Variants in PHKB observed in about 807,000 individuals in gnomAD.
The protein encoded by PHKB is phosphorylase kinase regulatory subunit beta, also known as phosphorylase b kinase regulatory subunit beta.
Under a neutral mutation model 152.1 loss-of-function variants are expected in PHKB, and 122 were observed. The ratio of observed to expected loss-of-function variants is 0.80; its 90% CI spans 0.69 to 0.93. The LOEUF (loss-of-function observed/expected upper bound fraction) is 0.93. Among genes scored for constraint, PHKB ranks in the 40% least tolerant of loss-of-function variants. The probability of loss-of-function intolerance (pLI) is 0.00; values close to 1 mark genes in which losing one functional copy is unlikely to be tolerated. For synonymous variants in PHKB, 436 were observed against 464.9 expected (o/e 0.94, Z 0.80); for missense variants, 1,304 against 1,328.4 (o/e 0.98, Z 0.29).
At chr16:47,477,118 C>T (rs1422929694) in intron 1 of PHKB, among the ~76,000 whole-genome samples, 1 of 152,182 alleles carries the variant, frequency 6.6e-6, no homozygotes, top group Non-Finnish European at 1.5e-5. Context: ...CTAGTGATCT[C>T]TTGTTTTTAC....
intron 26 of PHKB, among the ~76,000 whole-genome samples, chr16:47,685,903 G>A (rs1381110966): frequency 6.6e-6 from 1 of 151,856 alleles, no homozygotes; most frequent in South Asian, 2.1e-4. Flanking sequence ...CACCACACCT[G>A]GCTGATTTTT....
intron 14 of PHKB, among the ~76,000 whole-genome samples, chr16:47,626,162 A>C (rs1972706608): frequency 6.6e-6 from 1 of 152,230 alleles, no homozygotes; most frequent in Non-Finnish European, 1.5e-5. Context: ...GAAAACCCTT[A>C]GGTTTACTTG....
At chr16:47,547,094 G>A (rs549932757) in intron 6 of PHKB, among the ~76,000 whole-genome samples, 5 of 152,234 alleles carry the variant, frequency 3.3e-5, no homozygotes, top group East Asian at 3.9e-4. Context: ...GCTTCAGCTC[G>A]CCTTCCGTGG....
rs757340361 is a variant in PHKB, at chr16:47,588,864, C to G, written c.871-41C>G. On this transcript the variant is annotated intron_variant, in intron 9 of 30. Transcript: ENST00000323584. ...TCTCCTTGGGCTGTGTTGATCACAT[C>G]GCTGTGGACACTCACAGTCTCTCTT... The G allele has an allele frequency of 3.3e-6, 5 of 1,523,628 alleles. No individual in the cohort carries two copies. In the East Asian group the frequency reaches 9.0e-5, roughly 27 times the overall value. 94.4% of individuals were successfully genotyped at this position (1,523,628 alleles called of 1,614,324 possible).
intron 1 of PHKB, among the ~76,000 whole-genome samples, chr16:47,488,805 T>A (rs1970095167): frequency 6.6e-6 from 1 of 152,210 alleles, no homozygotes; most frequent in Admixed American, 6.5e-5. Flanking sequence ...TTGGTCTATG[T>A]GTCTGTTTTT....
chr16:47,640,791 C>A (rs568319954), intron 14 of PHKB, among the ~76,000 whole-genome samples: 147 of 152,158 alleles, frequency 9.7e-4, no homozygotes, highest in Non-Finnish European at 1.9e-3. Flanking sequence ...ACAGGCTAGC[C>A]CCTGTGGTAG....
At chr16:47,471,789 ATAAT>A (rs1420278981) in intron 1 of PHKB, among the ~76,000 whole-genome samples, 1 of 152,240 alleles carries the variant, frequency 6.6e-6, no homozygotes, top group Non-Finnish European at 1.5e-5. Context: ...GTTCTAATGC[ATAAT>A]TAATTAAGGT....
chr16:47,611,259 G>A (rs1302830346), intron 14 of PHKB, among the ~76,000 whole-genome samples: 1 of 152,220 alleles, frequency 6.6e-6, no homozygotes, highest in Non-Finnish European at 1.5e-5. Flanking sequence ...TGTGCTTGAT[G>A]TCTCTCCTGT....
At chr16:47,473,181 T>C (rs1410174835) in intron 1 of PHKB, among the ~76,000 whole-genome samples, 2 of 146,256 alleles carry the variant, frequency 1.4e-5, no homozygotes, top group African/African-American at 5.0e-5. Flanking sequence ...CATTCCCTTC[T>C]GCTGGGCCTA....
intron 14 of PHKB, among the ~76,000 whole-genome samples, chr16:47,637,204 G>A (rs1445651497): frequency 6.6e-6 from 1 of 152,108 alleles, no homozygotes; most frequent in Non-Finnish European, 1.5e-5. Flanking sequence ...GGGTCTCCTG[G>A]GAGCTATTAT....
rs562989677 is a variant in PHKB at position 47,490,096 on chromosome 16, T to G, written c.77-7303T>G. On this transcript the variant is annotated intron_variant, in intron 1 of 30. Transcript: ENST00000323584. ...TCAAGCAGAAGTCAAAAATAATTGC[T>G]TCAGCTTTCTGAGTTCAGTCCATTT... Among the ~76,000 whole-genome samples, 6 of 152,302 alleles carry G rather than the reference T, an allele frequency of 3.9e-5. No individual in the cohort carries two copies. In the East Asian group the frequency reaches 1.2e-3, roughly 29 times the overall value.
intron 20 of PHKB, among the ~76,000 whole-genome samples, chr16:47,656,685 T>TC (rs1222019458): frequency 2.0e-5 from 3 of 151,914 alleles, no homozygotes; most frequent in Non-Finnish European, 4.4e-5. Context: ...AGTTCCTCAT[T>TC]CCCCCCACAC....
intron 4 of PHKB, among the ~76,000 whole-genome samples, chr16:47,506,740 T>G (rs1000265495): frequency 1.3e-5 from 2 of 152,182 alleles, no homozygotes; most frequent in Admixed American, 6.5e-5. Flanking sequence ...TTGGCTTCCC[T>G]GGGCCATATG....
intron 20 of PHKB, among the ~76,000 whole-genome samples, chr16:47,653,790 G>C (rs1398758334): frequency 1.3e-5 from 2 of 152,070 alleles, no homozygotes; most frequent in African/African-American, 4.8e-5. Flanking sequence ...CCATATTCTT[G>C]GATGAAAAGA....
chr16:47,559,270 C>T (rs1051038762), intron 7 of PHKB, among the ~76,000 whole-genome samples: 5 of 152,054 alleles, frequency 3.3e-5, no homozygotes, highest in African/African-American at 7.2e-5. Flanking sequence ...CCAGTACTAC[C>T]GTAATTTGGT....
At chr16:47,598,717 T>C (rs1972166938) in intron 13 of PHKB, 19 of 1,569,450 alleles carry the variant, frequency 1.2e-5, no homozygotes, top group Non-Finnish European at 1.5e-5. Flanking sequence ...TGGTTTCCAC[T>C]CCCTCATTTT....
chr16:47,669,549 C>T (rs1291689468), intron 26 of PHKB, 132 bp downstream of exon 26: 2 of 782,866 alleles, frequency 2.6e-6, no homozygotes, highest in Non-Finnish European at 4.5e-6. Context: ...TCCTCTAAGC[C>T]ATGCAGGCAA....
chr16:47,544,901 G>A (rs1382226956), intron 6 of PHKB, among the ~76,000 whole-genome samples: 1 of 152,104 alleles, frequency 6.6e-6, no homozygotes, highest in African/African-American at 2.4e-5. Context: ...TTTTATCAGA[G>A]ACTAGGATTG....
chr16:47,552,949 C>G (rs1010951411), intron 7 of PHKB, among the ~76,000 whole-genome samples: 2 of 152,192 alleles, frequency 1.3e-5, no homozygotes, highest in Non-Finnish European at 2.9e-5. Context: ...CAACCTTTCT[C>G]TCTGGCTGCC....
Sources: allele counts gnomAD v4.1 joint callset (sites outside exome capture counted in the v4.1 genomes callset), GRCh38; gene constraint gnomAD v4.1.1; transcripts MANE v1.5; gene names NCBI Gene and HGNC (gene_info 2026-07-23, HGNC 2026-07-21).